Variants in WWOX observed in about 807,000 individuals in gnomAD.
WWOX encodes WW domain-containing oxidoreductase.
Under a neutral mutation model 46.2 loss-of-function variants are expected in WWOX, and 69 were observed. That is an observed-to-expected ratio of 1.49 (90% CI 1.23 to 1.82). The LOEUF is 1.82. Among genes scored for constraint, WWOX ranks in the 40% most tolerant of loss-of-function variants. The pLI, the probability that WWOX is intolerant of heterozygous loss-of-function variation, is 0.00. For synonymous variants in WWOX, 359 were observed against 202.6 expected (o/e 1.77, Z -6.56); for missense variants, 919 against 542.6 (o/e 1.69, Z -6.89).
chr16:78,795,413 C>A (rs903367406), intron 8 of WWOX, among the ~76,000 whole-genome samples: 1 of 152,068 alleles, frequency 6.6e-6, no homozygotes, highest in Non-Finnish European at 1.5e-5. Context: ...AAAGGAGATC[C>A]TTGAATTGGG....
At chr16:79,107,116 C>A (rs1368716848) in intron 8 of WWOX, among the ~76,000 whole-genome samples, 1 of 151,886 alleles carries the variant, frequency 6.6e-6, no homozygotes, top group African/African-American at 2.4e-5. Flanking sequence ...CAGCCTTTAA[C>A]TTTTTGTAGA....
At chr16:78,884,494 A>G (rs2044412000) in intron 8 of WWOX, among the ~76,000 whole-genome samples, 1 of 152,174 alleles carries the variant, frequency 6.6e-6, no homozygotes, top group East Asian at 1.9e-4. Context: ...TCCACACAAG[A>G]GGAGACTACT....
intron 8 of WWOX, among the ~76,000 whole-genome samples, chr16:79,199,637 A>T (rs1291145965): frequency 6.6e-6 from 1 of 152,186 alleles, no homozygotes; most frequent in Non-Finnish European, 1.5e-5. Flanking sequence ...GCCACCTAGA[A>T]CATGTCACAG....
intron 4 of WWOX, among the ~76,000 whole-genome samples, chr16:78,151,836 G>C (rs934188020): frequency 1.3e-5 from 2 of 152,152 alleles, no homozygotes; most frequent in African/African-American, 4.8e-5. Flanking sequence ...GTTGGCACCT[G>C]TTTAACCACT....
At chr16:78,107,272 T>G (rs2032205103) in intron 1 of WWOX, among the ~76,000 whole-genome samples, 1 of 152,230 alleles carries the variant, frequency 6.6e-6, no homozygotes, top group African/African-American at 2.4e-5. Flanking sequence ...GATACCTTAT[T>G]ACCTGGTGAC....
At chr16:78,530,426 G>T (rs1270475076) in intron 8 of WWOX, among the ~76,000 whole-genome samples, 1 of 152,176 alleles carries the variant, frequency 6.6e-6, no homozygotes, top group East Asian at 1.9e-4. Context: ...CTAAAAAGAA[G>T]ACAAAGCAGG....
At chr16:78,180,386 G>T (rs1005724659) in intron 5 of WWOX, among the ~76,000 whole-genome samples, 1 of 151,918 alleles carries the variant, frequency 6.6e-6, no homozygotes, top group African/African-American at 2.4e-5. Flanking sequence ...AGAGTTGGGG[G>T]CATATGTTAG....
In WWOX at chr16:79,035,419, T is replaced by A. The variant is rs546792185; in HGVS notation, c.1057-176189T>A. Among the ~76,000 whole-genome samples, 4 of 152,168 alleles carry A rather than the reference T, an allele frequency of 2.6e-5. No individual in the cohort carries two copies. The East Asian group carries it at 7.7e-4, about 29-fold the overall frequency. On this transcript the variant is annotated intron_variant, in intron 8 of 8. Transcript: ENST00000566780. ...AAGGGAGGTGAACTAAAGTTGGTGC[T>A]GTGAACAGGGCTAATGGTTTGTGAT... is the stretch of plus-strand genomic sequence containing the variant.
At chr16:78,411,781 G>C (rs573274352) in intron 6 of WWOX, among the ~76,000 whole-genome samples, 4 of 152,204 alleles carry the variant, frequency 2.6e-5, no homozygotes, top group Non-Finnish European at 4.4e-5. Context: ...AACAGAGCTA[G>C]AAACATGGAG....
At chr16:79,091,767 T>C (rs750744352) in intron 8 of WWOX, among the ~76,000 whole-genome samples, 21 of 148,422 alleles carry the variant, frequency 1.4e-4, no homozygotes, top group Non-Finnish European at 3.0e-4. Context: ...ATCTTTTTCT[T>C]TTCTTTTCTT....
chr16:78,262,431 T>A (rs1237728209), intron 5 of WWOX, among the ~76,000 whole-genome samples: 1 of 152,204 alleles, frequency 6.6e-6, no homozygotes, highest in Non-Finnish European at 1.5e-5. Context: ...CTTTATTAAT[T>A]TATTTATTCA....
intron 5 of WWOX, among the ~76,000 whole-genome samples, chr16:78,309,524 C>T (rs944197548): frequency 1.3e-5 from 2 of 152,140 alleles, no homozygotes; most frequent in African/African-American, 4.8e-5. Flanking sequence ...AACCAATGTA[C>T]TCCTTACATA....
intron 5 of WWOX, among the ~76,000 whole-genome samples, chr16:78,219,097 C>T (rs543001818): frequency 1.8e-4 from 28 of 152,242 alleles, no homozygotes; most frequent in African/African-American, 6.5e-4. Context: ...CATTGAAACA[C>T]ACCAGATGGA....
At chr16:78,425,489 C>T (rs1247188042) in intron 7 of WWOX, among the ~76,000 whole-genome samples, 2 of 152,178 alleles carry the variant, frequency 1.3e-5, no homozygotes, top group Non-Finnish European at 2.9e-5. Context: ...TCGAGGCAGA[C>T]ATTAGCTGTG....
chr16:78,653,325 C>T (rs530515728), intron 8 of WWOX, among the ~76,000 whole-genome samples: 1 of 152,232 alleles, frequency 6.6e-6, no homozygotes, highest in East Asian at 1.9e-4. Flanking sequence ...ATAACTCAGG[C>T]TTATTTTACT....
intron 8 of WWOX, among the ~76,000 whole-genome samples, chr16:78,688,506 C>T (rs1262231706): frequency 2.6e-5 from 4 of 152,124 alleles, no homozygotes; most frequent in Non-Finnish European, 5.9e-5. Context: ...CTTTTGCCTT[C>T]ATTATATCAC....
At chr16:79,011,548 G>C (rs560997590) in intron 8 of WWOX, among the ~76,000 whole-genome samples, 8 of 150,798 alleles carry the variant, frequency 5.3e-5, no homozygotes, top group Non-Finnish European at 1.2e-4. Flanking sequence ...CTGGAGTGCA[G>C]TGACATGGTG....
chr16:78,565,720 G>T (rs1460462462), intron 8 of WWOX, among the ~76,000 whole-genome samples: 2 of 152,082 alleles, frequency 1.3e-5, no homozygotes, highest in East Asian at 1.9e-4. Context: ...ACTAATTCTG[G>T]ACTTCACGTT....
At chr16:78,796,957 C>T (rs919623817) in intron 8 of WWOX, among the ~76,000 whole-genome samples, 34 of 151,990 alleles carry the variant, frequency 2.2e-4, no homozygotes, top group African/African-American at 6.0e-4. Context: ...TTCCAAGTAG[C>T]TGGGATTATA....
Sources: gnomAD v4.1 joint callset for allele counts (sites outside exome capture counted in the v4.1 genomes callset) on GRCh38, gnomAD v4.1.1 for gene constraint, MANE v1.5 for transcripts, NCBI Gene and HGNC (gene_info 2026-07-23, HGNC 2026-07-21) for gene names.